The following CCBE1 variants were observed in gnomAD, a reference collection of about 807,000 sequenced individuals.
CCBE1 encodes collagen and calcium-binding EGF domain-containing protein 1.
CCBE1 carries 37 observed loss-of-function variants against 50.0 expected under a neutral mutation model. That is an observed-to-expected ratio of 0.74 (90% CI 0.57 to 0.97). CCBE1 has a LOEUF of 0.97. Ranked by LOEUF, CCBE1 falls within the 50% of genes least tolerant of loss-of-function variation. CCBE1 has a pLI of 0.00. For missense variants in CCBE1, 538 were observed against 523.8 expected, an observed-to-expected ratio of 1.03 and a Z score of -0.26; for synonymous variants, 234 against 203.7, an observed-to-expected ratio of 1.15 and a Z score of -1.27.
At chr18:59,457,118 G>A (rs1467873251) in intron 5 of CCBE1, among the ~76,000 whole-genome samples, 3 of 152,188 alleles carry the variant, frequency 2.0e-5, no homozygotes, top group African/African-American at 7.2e-5. Context: ...CTCTGCAAAA[G>A]TGGCAGTTTT....
chr18:59,539,006 C>T (rs1275998792), intron 2 of CCBE1, among the ~76,000 whole-genome samples: 1 of 151,870 alleles, frequency 6.6e-6, no homozygotes, highest in African/African-American at 2.4e-5. Context: ...ATCAAGATAC[C>T]ATCTCTAGAA....
At chr18:59,578,964 A>G (rs1285174504) in intron 2 of CCBE1, among the ~76,000 whole-genome samples, 2 of 152,232 alleles carry the variant, frequency 1.3e-5, no homozygotes, top group South Asian at 2.1e-4. Context: ...TTTAAAAAAG[A>G]TACTTTTTAT....
chr18:59,494,754 T>C (rs998348797), intron 2 of CCBE1, among the ~76,000 whole-genome samples: 4 of 152,204 alleles, frequency 2.6e-5, no homozygotes, highest in Non-Finnish European at 5.9e-5. Flanking sequence ...AGTTTGAACA[T>C]GCTGCTTAAT....
At chr18:59,470,033 G>A (rs1214006590) in intron 3 of CCBE1, among the ~76,000 whole-genome samples, 1 of 152,190 alleles carries the variant, frequency 6.6e-6, no homozygotes, top group Non-Finnish European at 1.5e-5. Flanking sequence ...CATGTGGGAG[G>A]AAGGGCTGGA....
At chr18:59,471,674 G>A (rs1293709757) in intron 3 of CCBE1, among the ~76,000 whole-genome samples, 1 of 152,132 alleles carries the variant, frequency 6.6e-6, no homozygotes, top group African/African-American at 2.4e-5. Context: ...TTTGTGACTT[G>A]GGCTCTGGAG....
intron 2 of CCBE1, among the ~76,000 whole-genome samples, chr18:59,635,458 T>G (rs2053903299): frequency 7.6e-6 from 1 of 131,448 alleles, no homozygotes; most frequent in Non-Finnish European, 1.7e-5. Context: ...GTGGAGAAAT[T>G]TTTTAAAAAT....
intron 2 of CCBE1, among the ~76,000 whole-genome samples, chr18:59,655,990 T>C (rs2054184308): frequency 6.6e-6 from 1 of 152,236 alleles, no homozygotes; most frequent in Admixed American, 6.5e-5. Context: ...GCTGGCAATT[T>C]CTTCTAAATG....
At chr18:59,469,699 G>C (rs1359871536) in intron 3 of CCBE1, 92 bp from the exon 4 acceptor site, 1 of 1,534,290 alleles carries the variant, frequency 6.5e-7, no homozygotes, top group African/African-American at 1.4e-5. Context: ...GCTGGGCTCT[G>C]CTCAAGGGCA....
chr18:59,561,914 G>A (rs756942369), intron 2 of CCBE1, among the ~76,000 whole-genome samples: 5 of 152,170 alleles, frequency 3.3e-5, no homozygotes, highest in Non-Finnish European at 7.3e-5. Context: ...GAAGAGAGCT[G>A]CTGCTGGATA....
chr18:59,513,526 C>T (rs1914229581), intron 2 of CCBE1, among the ~76,000 whole-genome samples: 1 of 152,164 alleles, frequency 6.6e-6, no homozygotes, highest in Non-Finnish European at 1.5e-5. Flanking sequence ...ACTTCCGACA[C>T]CACAGTCAGG....
intron 2 of CCBE1, among the ~76,000 whole-genome samples, chr18:59,579,676 C>A (rs1216784215): frequency 1.3e-5 from 2 of 152,204 alleles, no homozygotes; most frequent in African/African-American, 4.8e-5. Flanking sequence ...CAGCCACCTG[C>A]CTGGAGCATG....
Position 59,432,651 on chromosome 18 carries a change from T to C in CCBE1, c.*3257A>G, listed in dbSNP as rs548992924. ...AATCTGAGGATTAAAAATTATTTTC[T>C]AAATTAACTTGGTCCAGCAGATTGA... On this transcript the variant is annotated 3_prime_UTR_variant, in exon 11 of 11. Transcript: ENST00000439986. 6 of 152,336 alleles carry C rather than the reference T, an allele frequency of 3.9e-5. No individual in the cohort carries two copies. The East Asian group carries it at 1.2e-3, about 29-fold the overall frequency. The allele number at this position is 152,336 out of a possible 1,614,324, so 9.4% of individuals were successfully genotyped here. A position where few individuals can be genotyped will look rare whatever the true frequency, so the allele number is the denominator to read the frequency against.
intron 2 of CCBE1, chr18:59,666,066 A>T (rs573270154): frequency 5.2e-5 from 8 of 152,714 alleles, no homozygotes; most frequent in Admixed American, 6.5e-5. Flanking sequence ...AAGAGGTTTA[A>T]TGGACTTACA....
At chr18:59,477,327 T>A (rs1912355699) in intron 3 of CCBE1, among the ~76,000 whole-genome samples, 1 of 152,144 alleles carries the variant, frequency 6.6e-6, no homozygotes, top group Non-Finnish European at 1.5e-5. Context: ...ACGTCTCAGA[T>A]CCTTCAGGAA....
intron 3 of CCBE1, among the ~76,000 whole-genome samples, chr18:59,473,166 A>C (rs918304816): frequency 6.6e-6 from 1 of 152,164 alleles, no homozygotes; most frequent in African/African-American, 2.4e-5. Context: ...AAATGTCATA[A>C]AAGGGGTAAA....
chr18:59,617,360 A>G (rs1202559793), intron 2 of CCBE1, among the ~76,000 whole-genome samples: 1 of 152,276 alleles, frequency 6.6e-6, no homozygotes, highest in African/African-American at 2.4e-5. Context: ...TTTGTTTACT[A>G]AAACTACCTT....
At chr18:59,449,632 A>G (rs1233816850) in intron 6 of CCBE1, among the ~76,000 whole-genome samples, 1 of 147,188 alleles carries the variant, frequency 6.8e-6, no homozygotes, top group Non-Finnish European at 1.5e-5. Flanking sequence ...GTCCAAAAAA[A>G]AAAAAAAAAG....
rs777587430 is a variant in CCBE1 at position 59,539,198 on chromosome 18, C to CA, written c.213-58961dup. ...TATATTTAAAAAACACACACACACA[C>CA]ACAAAAAACAAAAAAAAACAGCAAG... is the stretch of plus-strand genomic sequence containing the variant. On this transcript the variant is annotated intron_variant, in intron 2 of 10. Transcript: ENST00000439986. 2.7e-3 allele frequency among the ~76,000 whole-genome samples: 402 copies of CA among 148,336 alleles called. 2 individuals carry two copies. The highest frequency in any genetic ancestry group is 5.3e-3 in the Admixed American group (78 of 14,756).
intron 5 of CCBE1, among the ~76,000 whole-genome samples, chr18:59,458,018 G>T (rs912979095): frequency 6.6e-6 from 1 of 152,154 alleles, no homozygotes; most frequent in African/African-American, 2.4e-5. Flanking sequence ...TAATACCTAA[G>T]GACAGATGAA....
Sources: allele counts gnomAD v4.1 joint callset (sites outside exome capture counted in the v4.1 genomes callset), GRCh38; gene constraint gnomAD v4.1.1; transcripts MANE v1.5; gene names NCBI Gene and HGNC (gene_info 2026-07-23, HGNC 2026-07-21).